The following COL8A1 variants were observed in gnomAD, a reference collection of about 807,000 sequenced individuals.
COL8A1 encodes collagen alpha-1(VIII) chain.
Under a neutral mutation model 42.7 loss-of-function variants are expected in COL8A1, and 21 were observed. That is an observed-to-expected ratio of 0.49 (90% CI 0.35 to 0.71). COL8A1 has a LOEUF of 0.71. Among genes scored for constraint, COL8A1 ranks in the 30% least tolerant of loss-of-function variants. COL8A1 has a pLI of 0.01. For synonymous variants in COL8A1, 367 were observed against 369.1 expected, an observed-to-expected ratio of 0.99 and a Z score of 0.06; for missense variants, 788 against 962.4, an observed-to-expected ratio of 0.82 and a Z score of 2.40.
chr3:99,729,461 T>C (rs533616458), intron 1 of COL8A1, among the ~76,000 whole-genome samples: 1 of 151,912 alleles, frequency 6.6e-6, no homozygotes, highest in South Asian at 2.1e-4. Context: ...ATGGGTTTTA[T>C]TTTTTTTAAA....
intron 2 of COL8A1, among the ~76,000 whole-genome samples, chr3:99,783,071 G>A (rs1333541031): frequency 6.6e-6 from 1 of 152,160 alleles, no homozygotes; most frequent in Non-Finnish European, 1.5e-5. Context: ...TTCTCCAGAT[G>A]TTTCCCAACT....
chr3:99,749,641 C>T (rs1340217866), intron 2 of COL8A1, among the ~76,000 whole-genome samples: 2 of 152,050 alleles, frequency 1.3e-5, no homozygotes, highest in African/African-American at 4.8e-5. Flanking sequence ...CAATAGAAAT[C>T]TTTATAGTGC....
chr3:99,715,732 G>C (rs545171235), intron 1 of COL8A1, among the ~76,000 whole-genome samples: 20 of 152,062 alleles, frequency 1.3e-4, no homozygotes, highest in South Asian at 2.1e-4. Context: ...AAAAACATGA[G>C]AGAACAAGCA....
chr3:99,712,678 G>T (rs992757047), intron 1 of COL8A1, among the ~76,000 whole-genome samples: 23 of 152,220 alleles, frequency 1.5e-4, no homozygotes, highest in Non-Finnish European at 2.4e-4. Context: ...GCTGTTTTTT[G>T]AAGGATTACT....
chr3:99,755,215 C>T (rs1941231240), intron 2 of COL8A1, among the ~76,000 whole-genome samples: 1 of 152,088 alleles, frequency 6.6e-6, no homozygotes. Flanking sequence ...AGTGAGGGTT[C>T]ATATATCCTA....
At chr3:99,742,440 A>G (rs1284089619) in intron 1 of COL8A1, among the ~76,000 whole-genome samples, 1 of 152,244 alleles carries the variant, frequency 6.6e-6, no homozygotes, top group East Asian at 1.9e-4. Flanking sequence ...GTGCTTGAAT[A>G]TTAAATAATT....
chr3:99,688,558 C>A (rs1939129932), intron 1 of COL8A1, among the ~76,000 whole-genome samples: 1 of 152,106 alleles, frequency 6.6e-6, no homozygotes, highest in Admixed American at 6.6e-5. Context: ...AGATCCTTAA[C>A]TTAATACACC....
chr3:99,784,603 GGTAA>G (rs1559635485), intron 2 of COL8A1, among the ~76,000 whole-genome samples: 1 of 152,084 alleles, frequency 6.6e-6, no homozygotes, highest in Non-Finnish European at 1.5e-5. Flanking sequence ...GTAACACAAT[GGTAA>G]GTATTTGTGT....
intron 1 of COL8A1, among the ~76,000 whole-genome samples, chr3:99,639,911 T>C (rs901345160): frequency 3.9e-5 from 6 of 152,244 alleles, no homozygotes; most frequent in Non-Finnish European, 7.3e-5. Flanking sequence ...TTTTATTTTT[T>C]TGTTTGTTTA....
intron 1 of COL8A1, among the ~76,000 whole-genome samples, chr3:99,705,216 C>A (rs570012935): frequency 3.3e-5 from 5 of 152,152 alleles, no homozygotes; most frequent in African/African-American, 1.2e-4. Context: ...TTCTGACGTA[C>A]GTCCAGGTTA....
At chr3:99,640,972 T>G (rs1263157431) in intron 1 of COL8A1, among the ~76,000 whole-genome samples, 1 of 152,180 alleles carries the variant, frequency 6.6e-6, no homozygotes, top group Non-Finnish European at 1.5e-5. Context: ...GATGAGAAGC[T>G]GCCGCTTTCA....
chr3:99,759,666 T>C (rs961900541), intron 2 of COL8A1, among the ~76,000 whole-genome samples: 3 of 152,236 alleles, frequency 2.0e-5, no homozygotes, highest in Non-Finnish European at 4.4e-5. Flanking sequence ...GACTCTGCTT[T>C]ATTAGTTTGA....
At chr3:99,709,312 C>T (rs598174) in intron 1 of COL8A1, among the ~76,000 whole-genome samples, 104,776 of 151,928 alleles carry the variant, frequency 0.69, 36,343 homozygotes, top group East Asian at 0.75. Context: ...AGTTGGAGAA[C>T]GTCTGCTCTA....
intron 1 of COL8A1, among the ~76,000 whole-genome samples, chr3:99,736,613 C>A (rs1439607818): frequency 6.6e-6 from 1 of 152,040 alleles, no homozygotes; most frequent in African/African-American, 2.4e-5. Context: ...GTTATAATTT[C>A]TGTTCTTTTA....
intron 2 of COL8A1, among the ~76,000 whole-genome samples, chr3:99,766,747 C>T (rs1449472097): frequency 1.3e-5 from 2 of 152,110 alleles, no homozygotes; most frequent in Admixed American, 6.6e-5. Context: ...GTCAGGAGTT[C>T]GAGACCAGCC....
intron 1 of COL8A1, among the ~76,000 whole-genome samples, chr3:99,718,764 A>G (rs1940071723): frequency 6.6e-6 from 1 of 152,070 alleles, no homozygotes; most frequent in African/African-American, 2.4e-5. Context: ...AATTAGTTTA[A>G]AAAAATAAAA....
chr3:99,725,003 T>C (rs1940262301), intron 1 of COL8A1, among the ~76,000 whole-genome samples: 1 of 152,044 alleles, frequency 6.6e-6, no homozygotes, highest in South Asian at 2.1e-4. Flanking sequence ...TGGATTGTGG[T>C]AAGGATTAAA....
intron 2 of COL8A1, among the ~76,000 whole-genome samples, chr3:99,750,529 T>C (rs1435270798): frequency 2.6e-5 from 4 of 152,294 alleles, no homozygotes; most frequent in Non-Finnish European, 5.9e-5. Context: ...AATATTGTAA[T>C]TGACTCCAAA....
At chr3:99,666,110 T>C (rs1559772215) in intron 1 of COL8A1, among the ~76,000 whole-genome samples, 1 of 152,306 alleles carries the variant, frequency 6.6e-6, no homozygotes, top group East Asian at 1.9e-4. Context: ...GATGAAATCT[T>C]GGAGACTTCA....
Sources: allele counts gnomAD v4.1 joint callset (sites outside exome capture counted in the v4.1 genomes callset), GRCh38; gene constraint gnomAD v4.1.1; transcripts MANE v1.5; gene names NCBI Gene and HGNC (gene_info 2026-07-23, HGNC 2026-07-21).